The following LRRC49 variants were observed in gnomAD, a reference collection of about 807,000 sequenced individuals.
The protein encoded by LRRC49 is leucine-rich repeat-containing protein 49.
Under a neutral mutation model 83.3 loss-of-function variants are expected in LRRC49, and 50 were observed. The ratio of observed to expected loss-of-function variants is 0.60; its 90% CI spans 0.48 to 0.76. LRRC49 has a LOEUF of 0.76. Among genes scored for constraint, LRRC49 ranks in the 30% least tolerant of loss-of-function variants. The pLI, the probability that LRRC49 is intolerant of heterozygous loss-of-function variation, is 0.00. For synonymous variants in LRRC49, 286 were observed against 283.3 expected (o/e 1.01, Z -0.10); for missense variants, 704 against 809.1 (o/e 0.87, Z 1.58).
At chr15:70,884,082 T>C (rs1452750144) in intron 2 of LRRC49, among the ~76,000 whole-genome samples, 1 of 152,056 alleles carries the variant, frequency 6.6e-6, no homozygotes, top group Non-Finnish European at 1.5e-5. Context: ...AAAAGATATC[T>C]GGAAAAGTTA....
intron 1 of LRRC49, 52 bp from the exon 2 acceptor site, chr15:70,893,532 T>A: frequency 1.9e-6 from 2 of 1,067,684 alleles, no homozygotes; most frequent in Non-Finnish European, 2.8e-6. Context: ...TTTTTGGAAA[T>A]ATGTGTTTGT....
intron 11 of LRRC49, among the ~76,000 whole-genome samples, chr15:71,007,372 A>G (rs1260952718): frequency 6.6e-6 from 1 of 151,986 alleles, no homozygotes; most frequent in Non-Finnish European, 1.5e-5. Context: ...TTGTAAGCAT[A>G]AAATTGTAAT....
chr15:70,983,264 G>C (rs2037470664), intron 10 of LRRC49, among the ~76,000 whole-genome samples: 1 of 152,012 alleles, frequency 6.6e-6, no homozygotes, highest in African/African-American at 2.4e-5. Context: ...TTTCACAAGA[G>C]GGTTTCTATG....
intron 14 of LRRC49, among the ~76,000 whole-genome samples, chr15:71,020,151 T>C (rs922475962): frequency 5.3e-5 from 8 of 152,052 alleles, no homozygotes; most frequent in African/African-American, 1.9e-4. Context: ...CAAAAGAAAT[T>C]ATATAAATGA....
chr15:70,890,059 G>C (rs1183710560), upstream of LRRC49, among the ~76,000 whole-genome samples: 1 of 152,050 alleles, frequency 6.6e-6, no homozygotes, highest in Admixed American at 6.6e-5. Flanking sequence ...TTACTAAATG[G>C]AAAACAGATT....
chr15:70,893,316 T>C (rs2033669590), intron 1 of LRRC49: 1 of 558,644 alleles, frequency 1.8e-6, no homozygotes. Flanking sequence ...TATTTAGACC[T>C]GAATGGCAAA....
chr15:70,945,650 T>G (rs1352587674), intron 8 of LRRC49, among the ~76,000 whole-genome samples: 2 of 151,792 alleles, frequency 1.3e-5, no homozygotes, highest in African/African-American at 4.8e-5. Flanking sequence ...TTTTTTTTTT[T>G]GTAGGACTGA....
At chr15:70,868,172 G>A (rs1252743660) in intron 1 of LRRC49, among the ~76,000 whole-genome samples, 1 of 152,168 alleles carries the variant, frequency 6.6e-6, no homozygotes, top group Non-Finnish European at 1.5e-5. Context: ...GGGAAAACAT[G>A]TTTTGTTTTG....
chr15:71,000,615 C>T (rs2038223395), intron 11 of LRRC49, among the ~76,000 whole-genome samples: 1 of 152,104 alleles, frequency 6.6e-6, no homozygotes, highest in Non-Finnish European at 1.5e-5. Flanking sequence ...TTAGTTTGCC[C>T]CATATTTGAG....
intron 1 of LRRC49, among the ~76,000 whole-genome samples, chr15:70,865,086 T>C (rs1053384720): frequency 4.6e-5 from 7 of 152,170 alleles, no homozygotes; most frequent in Admixed American, 4.6e-4. Flanking sequence ...TCTTTCATCT[T>C]GAACTTGGGT....
At chr15:70,855,987 C>G (rs2032645153) in intron 1 of LRRC49, among the ~76,000 whole-genome samples, 1 of 152,156 alleles carries the variant, frequency 6.6e-6, no homozygotes, top group Non-Finnish European at 1.5e-5. Flanking sequence ...AAGTGATACC[C>G]ATTATCTATC....
At chr15:70,938,445 A>G (rs550299991) in intron 8 of LRRC49, among the ~76,000 whole-genome samples, 174 of 152,300 alleles carry the variant, frequency 1.1e-3, no homozygotes, top group African/African-American at 4.1e-3. Flanking sequence ...TGGCTTTCAC[A>G]GTATACCTTC....
intron 9 of LRRC49, among the ~76,000 whole-genome samples, chr15:70,976,529 A>G (rs1217533308): frequency 1.3e-5 from 2 of 152,126 alleles, no homozygotes; most frequent in Non-Finnish European, 2.9e-5. Flanking sequence ...TGATATGTGC[A>G]TTGTTTTAGG....
chr15:70,996,221 A>C (rs1021354608), intron 11 of LRRC49, among the ~76,000 whole-genome samples: 2 of 152,186 alleles, frequency 1.3e-5, no homozygotes, highest in African/African-American at 4.8e-5. Flanking sequence ...ATTATAATGC[A>C]AAATCAGTTA....
At chr15:70,892,098 C>T, upstream of LRRC49, 1 of 1,614,024 alleles carries the variant, frequency 6.2e-7, no homozygotes, top group African/African-American at 1.3e-5. Context: ...CAGGCTGGGG[C>T]AAAGTGGTCA....
intron 11 of LRRC49, 34 bp downstream of exon 11, chr15:70,984,291 C>G (rs760675181): frequency 1.3e-6 from 2 of 1,507,820 alleles, no homozygotes; most frequent in Non-Finnish European, 1.8e-6. Flanking sequence ...ATACAAGCAT[C>G]TTTGATAATT....
At chr15:71,012,238 T>C (rs2038677251) in intron 13 of LRRC49, among the ~76,000 whole-genome samples, 1 of 152,208 alleles carries the variant, frequency 6.6e-6, no homozygotes, top group Non-Finnish European at 1.5e-5. Context: ...TCTTGGTTAA[T>C]GTAAGAATGG....
rs558947786 is a variant in LRRC49 at position 71,030,681 on chromosome 15, A to G, written c.1704-6498A>G. On this transcript the variant is annotated intron_variant, in intron 14 of 15. Transcript: ENST00000260382. ...TCAATCGTAGGTTTGGTCTTTTCAT[A>G]TAGTCACATATTTCTTGGAGGCTTT... is the stretch of plus-strand genomic sequence containing the variant. Among the ~76,000 whole-genome samples the G allele has an allele frequency of 2.0e-5, 3 of 152,202 alleles. No individual in the cohort carries two copies. The East Asian group carries it at 5.8e-4, about 30-fold the overall frequency.
chr15:70,997,579 C>T (rs146276032), intron 11 of LRRC49, among the ~76,000 whole-genome samples: 9,152 of 152,128 alleles, frequency 0.06, 382 homozygotes, highest in Middle Eastern at 0.15. Context: ...GGCGAAACCC[C>T]GTCTCTACTA....
Sources: gnomAD v4.1 joint callset for allele counts (sites outside exome capture counted in the v4.1 genomes callset) on GRCh38, gnomAD v4.1.1 for gene constraint, MANE v1.5 for transcripts, NCBI Gene and HGNC (gene_info 2026-07-23, HGNC 2026-07-21) for gene names.